MYO1F: variants seen among roughly 807,000 people sequenced by gnomAD.
MYO1F encodes the protein unconventional myosin-If.
MYO1F carries 60 observed loss-of-function variants against 146.6 expected under a neutral mutation model. The ratio of observed to expected loss-of-function variants is 0.41; its 90% confidence interval spans 0.33 to 0.51. The LOEUF (loss-of-function observed/expected upper bound fraction) is 0.51. Ranked by LOEUF, MYO1F falls within the 20% of genes least tolerant of loss-of-function variation. MYO1F has a pLI of 0.25. For missense variants in MYO1F, 1,274 were observed against 1,534.3 expected (o/e 0.83, Z 2.83); for synonymous variants, 602 against 602.1 (o/e 1.00, Z 0.00).
At chr19:8,567,755 C>T (rs904987669) in intron 1 of MYO1F, among the ~76,000 whole-genome samples, 96 of 152,328 alleles carry the variant, frequency 6.3e-4, no homozygotes, top group African/African-American at 2.3e-3. Flanking sequence ...GGAGGACCCA[C>T]GAAGCTGTCC....
At chr19:8,550,908 T>C (rs928590305) in intron 8 of MYO1F, among the ~76,000 whole-genome samples, 1 of 151,988 alleles carries the variant, frequency 6.6e-6, no homozygotes, top group African/African-American at 2.4e-5. Flanking sequence ...TGAGACAGAG[T>C]CTCCCTCTGT....
chr19:8,523,898 A>G (rs574428516), intron 25 of MYO1F, among the ~76,000 whole-genome samples: 2 of 151,936 alleles, frequency 1.3e-5, no homozygotes, highest in African/African-American at 4.8e-5. Flanking sequence ...AGGTGGGCTG[A>G]TCACGAGGTC....
intron 1 of MYO1F, among the ~76,000 whole-genome samples, chr19:8,562,237 G>C (rs564738098): frequency 3.3e-5 from 5 of 151,348 alleles, no homozygotes; most frequent in Admixed American, 6.6e-5. Context: ...TCCTGACCTC[G>C]TTACCCGCCC....
At chr19:8,527,759 C>T (rs55770417) in intron 21 of MYO1F, among the ~76,000 whole-genome samples, 236 of 152,264 alleles carry the variant, frequency 1.5e-3, no homozygotes, top group Non-Finnish European at 2.9e-3. Context: ...ACCACAGGTG[C>T]GCACCACCAT....
At chr19:8,532,860 C>A (rs1200860473) in intron 19 of MYO1F, among the ~76,000 whole-genome samples, 4 of 146,032 alleles carry the variant, frequency 2.7e-5, no homozygotes, top group African/African-American at 1.0e-4. Context: ...TGCACTCCAG[C>A]CTGGGAGATA....
intron 14 of MYO1F, chr19:8,544,081 T>G: frequency 1.8e-6 from 1 of 548,502 alleles, no homozygotes; most frequent in Non-Finnish European, 3.3e-6. Context: ...TCCAGACAAG[T>G]TTGGGGCTTA....
chr19:8,574,442 C>T (rs184730011), intron 1 of MYO1F, among the ~76,000 whole-genome samples: 12 of 152,274 alleles, frequency 7.9e-5, no homozygotes, highest in Non-Finnish European at 1.0e-4. Context: ...CACCAGAGAC[C>T]GGTTTAATGG....
At chr19:8,526,759 G>T in intron 23 of MYO1F, 30 bp downstream of exon 23, 2 of 1,588,152 alleles carry the variant, frequency 1.3e-6, no homozygotes, top group Non-Finnish European at 1.7e-6. Context: ...AGACCACCCC[G>T]AGATGGTGCT....
At chr19:8,553,888 A>ACTCTCT (rs1318395114) in intron 4 of MYO1F, among the ~76,000 whole-genome samples, 12 of 67,720 alleles carry the variant, frequency 1.8e-4, no homozygotes, top group Middle Eastern at 6.4e-3. Context: ...ACACACACAC[A>ACTCTCT]CACACACTCT....
At chr19:8,572,418 C>T (rs1203023903) in intron 1 of MYO1F, among the ~76,000 whole-genome samples, 1 of 152,090 alleles carries the variant, frequency 6.6e-6, no homozygotes, top group African/African-American at 2.4e-5. Context: ...CAGGCACATG[C>T]CACCCCGCTT....
rs370938191 is a variant in MYO1F at position 8,545,661 on chromosome 19, C to T, written c.1345G>A (p.Glu449Lys). The T allele has an allele frequency of 5.6e-6, 9 of 1,613,792 alleles. No individual in the cohort carries two copies. Among genetic ancestry groups the T allele is most frequent in the East Asian group, 4.5e-5 (2 of 44,888 alleles). The change falls in exon 13 of 28, where the codon GAA (glutamate) becomes AAA (lysine). Residue 449 changes from glutamate to lysine, a missense_variant. Around this residue, in one of 2 missense-constraint regions of MYO1F, gnomAD observed 900 missense variants for 1,155.1 expected, o/e 0.78. Transcript: ENST00000644032. The part of the protein sequence containing the change: ...FNNKVVCDLI[E>K]NKLSPPGIMS... ...GACCCAGCCCTCACCAGCTTGTTTTCGATGAGGTCACAGACGACCTTGTTG... is the reference window on the plus strand; with the variant it reads ...GACCCAGCCCTCACCAGCTTGTTTTTGATGAGGTCACAGACGACCTTGTTG...
intron 1 of MYO1F, among the ~76,000 whole-genome samples, chr19:8,570,804 G>A (rs1398085121): frequency 6.6e-6 from 1 of 152,080 alleles, no homozygotes; most frequent in Non-Finnish European, 1.5e-5. Context: ...CGCTGTGCCC[G>A]GCCAAGATGG....
At chr19:8,576,763 A>G (rs2042246133) in intron 1 of MYO1F, 1 of 162,960 alleles carries the variant, frequency 6.1e-6, no homozygotes, top group Non-Finnish European at 1.4e-5. Flanking sequence ...AATCCACCCC[A>G]TCGCTTGTTA....
At chr19:8,568,937 C>T (rs989525784) in intron 1 of MYO1F, among the ~76,000 whole-genome samples, 1 of 152,010 alleles carries the variant, frequency 6.6e-6, no homozygotes, top group South Asian at 2.1e-4. Flanking sequence ...AACAAATAAC[C>T]AAATGGATTC....
At chr19:8,533,133 G>T (rs970761335) in intron 19 of MYO1F, among the ~76,000 whole-genome samples, 2 of 151,512 alleles carry the variant, frequency 1.3e-5, no homozygotes, top group Admixed American at 6.6e-5. Context: ...TCGGCTCCCG[G>T]GCTCAAGGGA....
At chr19:8,568,843 C>T (rs1037852118) in intron 1 of MYO1F, among the ~76,000 whole-genome samples, 1 of 152,006 alleles carries the variant, frequency 6.6e-6, no homozygotes, top group African/African-American at 2.4e-5. Context: ...ATTGCTTGAA[C>T]CTAGGAGGTG....
In MYO1F at chr19:8,548,072, C is replaced by T; in HGVS notation, c.1233G>A (p.Gln411=). Residue 411 remains glutamine, a synonymous_variant, in exon 12 of 28, where the codon CAG becomes CAA. Coordinates refer to ENST00000644032, the MANE Select transcript of MYO1F (RefSeq NM_012335.4). ...TCAGGGTAAGTTCGATAAAGATTTGCTGCAGCTTCTCATTGACGAAGTTGA... is the reference window on the plus strand; with the variant it reads ...TCAGGGTAAGTTCGATAAAGATTTGTTGCAGCTTCTCATTGACGAAGTTGA... The part of the protein sequence containing the change: ...FCINFVNEKL[Q]QIFIELTLKA... The T allele has an allele frequency of 4.4e-6, 7 of 1,608,154 alleles. No homozygotes were observed. The highest frequency in any genetic ancestry group is 5.1e-6 in the Non-Finnish European group (6 of 1,177,352).
At chr19:8,521,726 G>GGTTTAA in intron 27 of MYO1F, 122 bp from the exon 28 acceptor site, 4 of 882,520 alleles carry the variant, frequency 4.5e-6, no homozygotes, top group Non-Finnish European at 7.3e-6. Context: ...TAAACTCCTA[G>GGTTTAA]GCTTAAGCCA....
Position 8,525,462 on chromosome 19 carries a change from G to C in MYO1F, c.2854+17C>G. On this transcript the variant is annotated intron_variant, in intron 25 of 27. Transcript: ENST00000644032. ...CACAACAGACAAGGGAATATAGCAA[G>C]GGACGCAGCTCCTCACCTCTGGGGG... is the stretch of plus-strand genomic sequence containing the variant. The C allele has an allele frequency of 6.2e-7, 1 of 1,609,212 alleles. No individual in the cohort carries two copies. The highest frequency in any genetic ancestry group is 1.7e-5 in the Admixed American group (1 of 60,014).
Sources: allele counts gnomAD v4.1 joint callset (sites outside exome capture counted in the v4.1 genomes callset), GRCh38; gene constraint gnomAD v4.1.1; regional missense constraint gnomAD v4.1.1; transcripts MANE v1.5; gene names NCBI Gene and HGNC (gene_info 2026-07-23, HGNC 2026-07-21).